Variants in RBFOX1 observed in about 807,000 individuals in gnomAD.
The protein encoded by RBFOX1 is RNA binding fox-1 homolog 1.
A neutral mutation model predicts 57.7 loss-of-function variants in RBFOX1; 8 were observed. The observed-to-expected ratio is 0.14, with a 90% confidence interval of 0.08 to 0.25. The LOEUF is 0.25. RBFOX1 is among the 10% of genes least tolerant of loss of function. The pLI is 1.00. For missense variants in RBFOX1, 611 were observed against 548.5 expected (o/e 1.11, Z -1.14); for synonymous variants, 326 against 222.4 (o/e 1.47, Z -4.15).
intron 1 of RBFOX1, among the ~76,000 whole-genome samples, chr16:6,127,825 T>G (rs917122439): frequency 6.6e-6 from 1 of 152,218 alleles, no homozygotes; most frequent in African/African-American, 2.4e-5. Context: ...TTTGCATTTG[T>G]AAAACCTAAA....
intron 3 of RBFOX1, among the ~76,000 whole-genome samples, chr16:6,934,303 A>T (rs948822327): frequency 1.3e-4 from 20 of 152,150 alleles, no homozygotes; most frequent in Admixed American, 1.2e-3. Context: ...TTTCTTTTTC[A>T]TGATGTTTTC....
chr16:5,430,455 C>T (rs144827551), intron 1 of RBFOX1, among the ~76,000 whole-genome samples: 1 of 152,248 alleles, frequency 6.6e-6, no homozygotes, highest in Non-Finnish European at 1.5e-5. Context: ...TATGAGAGAG[C>T]TGGGGCTGGA....
At chr16:6,851,749 G>C (rs1192068032) in intron 3 of RBFOX1, among the ~76,000 whole-genome samples, 1 of 152,000 alleles carries the variant, frequency 6.6e-6, no homozygotes, top group South Asian at 2.1e-4. Context: ...ATAAAGACTG[G>C]AACTCACAGG....
chr16:6,415,425 G>T (rs2093597075), intron 2 of RBFOX1, among the ~76,000 whole-genome samples: 1 of 152,024 alleles, frequency 6.6e-6, no homozygotes. Context: ...GCCGGGCGTG[G>T]TGGCTCACAC....
chr16:6,260,914 T>A (rs1470942174), intron 1 of RBFOX1, among the ~76,000 whole-genome samples: 1 of 152,088 alleles, frequency 6.6e-6, no homozygotes, highest in Non-Finnish European at 1.5e-5. Flanking sequence ...AAAGAAAGCA[T>A]GCACTCTTTG....
At chr16:6,155,347 A>C (rs2096831017) in intron 1 of RBFOX1, among the ~76,000 whole-genome samples, 1 of 152,202 alleles carries the variant, frequency 6.6e-6, no homozygotes, top group Non-Finnish European at 1.5e-5. Flanking sequence ...CTGTTGAGGA[A>C]CACATCAGGG....
chr16:5,378,272 C>A (rs907455110), intron 1 of RBFOX1, among the ~76,000 whole-genome samples: 1 of 151,568 alleles, frequency 6.6e-6, no homozygotes, highest in Non-Finnish European at 1.5e-5. Flanking sequence ...TGGTGGGTCA[C>A]CCTCATCCAA....
At chr16:7,094,699 A>G (rs1015964437) in intron 4 of RBFOX1, among the ~76,000 whole-genome samples, 2 of 141,048 alleles carry the variant, frequency 1.4e-5, no homozygotes, top group Non-Finnish European at 1.5e-5. Flanking sequence ...GTTGGGTGGT[A>G]TGGCTAAGAT....
At chr16:7,705,326 G>T (rs547241616) in intron 14 of RBFOX1, among the ~76,000 whole-genome samples, 69 of 152,188 alleles carry the variant, frequency 4.5e-4, no homozygotes, top group African/African-American at 1.4e-3. Flanking sequence ...CTAACACAGT[G>T]AAGCCCCATA....
intron 4 of RBFOX1, among the ~76,000 whole-genome samples, chr16:7,282,785 T>C (rs150982162): frequency 0.028 from 4,306 of 152,312 alleles, 203 homozygotes; most frequent in African/African-American, 0.097. Flanking sequence ...CTTATGCCTT[T>C]GCATTCTCAT....
At position 6,654,639 on chromosome 16, in the gene RBFOX1, G is replaced by A. The variant is rs1283662209; in HGVS notation, c.-27G>A. ...AGACTGCAATACCTGCGTGGAAATA[G>A]AAGACAGAAAGGTGAGTCAATATTT... On this transcript the variant is annotated 5_prime_UTR_variant, in exon 3 of 16. It removes the in-frame stop codon of an upstream open reading frame in the 5' UTR. Transcript: ENST00000550418. 6 of 1,509,234 alleles carry A rather than the reference G, an allele frequency of 4.0e-6. No homozygotes were observed. Among genetic ancestry groups the A allele is most frequent in the Non-Finnish European group, 4.4e-6 (5 of 1,138,104 alleles). 93.5% of individuals were successfully genotyped at this position (1,509,234 alleles called of 1,614,324 possible). A position where few individuals can be genotyped will look rare whatever the true frequency, so the allele number is the denominator to read the frequency against.
In RBFOX1 at chr16:5,290,943, A is replaced by G. The variant is rs183755204; in HGVS notation, c.219+50838A>G. Among the ~76,000 whole-genome samples the G allele has an allele frequency of 9.1e-4, 139 of 152,008 alleles. 3 individuals carry two copies. The East Asian group carries it at 0.023, about 26-fold the overall frequency. On this transcript the variant is annotated intron_variant, in intron 1 of 2. Transcript: ENST00000585867. ...CAAACTCCTGGATCTCAGGTGATGCACCCGCCTCAGCTTCGCAAAGTACTG... is the reference window on the plus strand; with the variant it reads ...CAAACTCCTGGATCTCAGGTGATGCGCCCGCCTCAGCTTCGCAAAGTACTG...
chr16:7,471,147 G>A (rs2061486279), intron 4 of RBFOX1, among the ~76,000 whole-genome samples: 1 of 152,060 alleles, frequency 6.6e-6, no homozygotes. Flanking sequence ...CATTATTCTT[G>A]GGGGGATTTT....
intron 1 of RBFOX1, among the ~76,000 whole-genome samples, chr16:6,186,709 C>T (rs780543542): frequency 3.3e-5 from 5 of 152,064 alleles, no homozygotes; most frequent in East Asian, 1.9e-4. Flanking sequence ...TAGCAATGGG[C>T]ATGTCTGGAG....
At chr16:5,805,168 C>G (rs76780611) in intron 3 of RBFOX1, among the ~76,000 whole-genome samples, 4,465 of 151,986 alleles carry the variant, frequency 0.029, 108 homozygotes, top group Non-Finnish European at 0.041. Context: ...ATGGATGGCA[C>G]TATGCAGTGA....
chr16:6,029,201 T>C (rs1030420984), intron 1 of RBFOX1, among the ~76,000 whole-genome samples: 1 of 152,242 alleles, frequency 6.6e-6, no homozygotes, highest in African/African-American at 2.4e-5. Flanking sequence ...TTTTGTTTCC[T>C]AGTGAATTTC....
intron 3 of RBFOX1, among the ~76,000 whole-genome samples, chr16:6,728,037 T>C (rs538080113): frequency 1.3e-5 from 2 of 152,222 alleles, no homozygotes; most frequent in Non-Finnish European, 2.9e-5. Flanking sequence ...CAGGTTTGTT[T>C]TGAGATCTAA....
At chr16:6,572,809 G>T (rs780557481) in intron 2 of RBFOX1, among the ~76,000 whole-genome samples, 1 of 152,150 alleles carries the variant, frequency 6.6e-6, no homozygotes, top group Middle Eastern at 3.4e-3. Flanking sequence ...GGCCACGCTG[G>T]CCTCGAACTC....
intron 4 of RBFOX1, among the ~76,000 whole-genome samples, chr16:7,159,866 C>T (rs1011578909): frequency 1.3e-5 from 2 of 152,186 alleles, no homozygotes; most frequent in African/African-American, 4.8e-5. Context: ...TAATATTTGG[C>T]TTGGCTTTGA....
Sources: allele counts gnomAD v4.1 joint callset (sites outside exome capture counted in the v4.1 genomes callset), GRCh38; gene constraint gnomAD v4.1.1; transcripts MANE v1.5; gene names NCBI Gene and HGNC (gene_info 2026-07-23, HGNC 2026-07-21).